The following SF1 variants were observed in gnomAD, a reference collection of about 807,000 sequenced individuals.
SF1 encodes the protein splicing factor 1.
A neutral mutation model predicts 62.5 loss-of-function variants in SF1; 7 were observed. The ratio of observed to expected loss-of-function variants is 0.11; its 90% CI spans 0.06 to 0.21. The LOEUF is 0.21. Among genes scored for constraint, SF1 ranks in the 10% least tolerant of loss-of-function variants. The pLI, the probability that SF1 is intolerant of heterozygous loss-of-function variation, is 1.00. For synonymous variants in SF1, 394 were observed against 323.6 expected (o/e 1.22, Z -2.33); for missense variants, 578 against 884.0 (o/e 0.65, Z 4.39).
At position 64,765,427 on chromosome 11, in the gene SF1, G is replaced by A. The variant is rs1252807884; in HGVS notation, c.*391C>T. 3.2e-6 allele frequency: 5 copies of A among 1,551,736 alleles called. No individual in the cohort carries two copies. Among genetic ancestry groups the A allele is most frequent in the African/African-American group, 1.4e-5 (1 of 73,588 alleles). On this transcript the variant is annotated 3_prime_UTR_variant, in exon 13 of 13. Transcript: ENST00000377390. ...CCGAACCATCCTGTCCACCAGGGGC[G>A]TTGCTGAGGCTGTCTGCCTGGAAGG...
At chr11:64,772,878 C>A in intron 3 of SF1, 2 of 986,194 alleles carry the variant, frequency 2.0e-6, no homozygotes, top group Non-Finnish European at 2.4e-6. Context: ...CCTCCCAACA[C>A]CCCCAAGGCA....
At position 64,765,551 on chromosome 11, in the gene SF1, G is replaced by A; in HGVS notation, c.*267C>T. The A allele has an allele frequency of 6.3e-7, 1 of 1,587,470 alleles. No homozygotes were observed. On this transcript the variant is annotated 3_prime_UTR_variant, in exon 13 of 13. Transcript: ENST00000377390. Reference sequence around the variant, plus strand: ...CCCGGTTTGGGGAGAGGCAAAGGGAGTTGGGTGAGGAGAGAAAGAAGACAA... The same window carrying A: ...CCCGGTTTGGGGAGAGGCAAAGGGAATTGGGTGAGGAGAGAAAGAAGACAA...
intron 3 of SF1, chr11:64,772,402 G>A (rs1274096875): frequency 5.1e-6 from 5 of 984,482 alleles, no homozygotes; most frequent in African/African-American, 3.5e-5. Flanking sequence ...GTAAAATATA[G>A]CAAATGTAGT....
rs1405379836 is a variant in SF1 at position 64,764,977 on chromosome 11, C to T, written c.*841G>A. On this transcript the variant is annotated 3_prime_UTR_variant, in exon 13 of 13. Transcript: ENST00000377390. The stretch of plus-strand genomic sequence containing the variant: ...CCCGAGGGAGCTCAGGCTGCCCACC[C>T]ACTGCTGGCAGGATCGCCAGGACGG... 1 of 152,518 alleles carries T rather than the reference C, an allele frequency of 6.6e-6. No homozygotes were observed. Among genetic ancestry groups the T allele is most frequent in the African/African-American group, 2.4e-5 (1 of 41,482 alleles). The allele number at this position is 152,518 out of a possible 1,614,324, so 9.4% of individuals were successfully genotyped here.
At chr11:64,774,423 C>A (rs1446771175) in intron 2 of SF1, among the ~76,000 whole-genome samples, 10 of 152,212 alleles carry the variant, frequency 6.6e-5, no homozygotes, top group Non-Finnish European at 1.3e-4. Flanking sequence ...AACTGCAGAG[C>A]CAGAGCAGCT....
Position 64,767,734 on chromosome 11 carries a change from GCCACCTCCGGGCCCACCAGGA to G in SF1, c.1158_1178del (p.Gly388_Pro394del). On this transcript the variant is annotated inframe_deletion, in exon 10 of 13. Transcript: ENST00000377390. ...GTAATGGGTGTGGGAAGCTGTGGGG[GCCACCTCCGGGCCCACCAGGA>G]CCACCTCCATGCATGCCGTGGTAGG... 2 of 1,612,900 alleles carry G rather than the reference GCCACCTCCGGGCCCACCAGGA, an allele frequency of 1.2e-6. No homozygotes were observed. Among genetic ancestry groups the G allele is most frequent in the Non-Finnish European group, 1.7e-6 (2 of 1,179,508 alleles).
Position 64,768,408 on chromosome 11 carries a change from T to A in SF1, c.888-122A>T, listed in dbSNP as rs937582836. 1.3e-5 allele frequency: 11 copies of A among 875,398 alleles called. No individual in the cohort carries two copies. The African/African-American group carries it at 1.7e-4, about 14-fold the overall frequency. 54.2% of individuals were successfully genotyped at this position (875,398 alleles called of 1,614,324 possible). On this transcript the variant is annotated intron_variant, in intron 8 of 12. Coordinates refer to ENST00000377390, the MANE Select transcript of SF1 (RefSeq NM_004630.4). ...AATTCAATCACCAGATCATCACACATCTTTCTAACCCCTTACTGGGCATGG... is the reference window on the plus strand; with the variant it reads ...AATTCAATCACCAGATCATCACACAACTTTCTAACCCCTTACTGGGCATGG...
chr11:64,774,666 A>C (rs1004878858), intron 2 of SF1, among the ~76,000 whole-genome samples: 2 of 152,154 alleles, frequency 1.3e-5, no homozygotes, highest in Admixed American at 6.5e-5. Context: ...ATTATTATCG[A>C]AAGAAAATAC....
intron 1 of SF1, chr11:64,777,776 T>TACCCCCC: frequency 1.0e-6 from 1 of 960,812 alleles, no homozygotes; most frequent in Non-Finnish European, 1.2e-6. Context: ...ACAGAGCGCC[T>TACCCCCC]CCCGCCCGCC....
rs954814907 is a variant in SF1 at position 64,767,031 on chromosome 11, G to A, written c.1451C>T (p.Pro484Leu). 4 of 1,522,180 alleles carry A rather than the reference G, an allele frequency of 2.6e-6. No homozygotes were observed. The highest frequency in any genetic ancestry group is 2.7e-6 in the Non-Finnish European group (3 of 1,129,776). The allele number at this position is 1,522,180 out of a possible 1,614,324, so 94.3% of individuals were successfully genotyped here. The change falls in exon 12 of 13, where the codon CCT (proline) becomes CTT (leucine). Residue 484 changes from proline (P) to leucine (L), a missense_variant. Around this residue, in one of 7 missense-constraint regions of SF1, gnomAD observed 410 missense variants for 452.4 expected, o/e 0.91. Coordinates refer to ENST00000377390, the MANE Select transcript of SF1 (RefSeq NM_004630.4). ...AGGGGGTGGGGGCTGCCCACTGGGA[G>A]GCGGCGGCGGCGGCGGCATCATGCC... ...PMGMMPPPPP[P>L]PSGQPPPPPS...
intron 4 of SF1, 36 bp downstream of exon 4, chr11:64,770,220 T>C (rs777738662): frequency 1.2e-6 from 2 of 1,605,624 alleles, no homozygotes; most frequent in Non-Finnish European, 1.7e-6. Flanking sequence ...GATCTGCATG[T>C]GTCTTCATCC....
intron 3 of SF1, chr11:64,772,742 A>G: frequency 1.0e-6 from 1 of 985,378 alleles, no homozygotes; most frequent in Non-Finnish European, 1.2e-6. Flanking sequence ...TTCTGAGGTG[A>G]GAGAAACTGC....
At chr11:64,768,539 G>A (rs758711288) in intron 8 of SF1, among the ~76,000 whole-genome samples, 14 of 152,226 alleles carry the variant, frequency 9.2e-5, no homozygotes, top group African/African-American at 2.4e-4. Flanking sequence ...CCTGAGCACC[G>A]ATGAAGCACA....
At chr11:64,771,319 A>G (rs1261059089) in intron 3 of SF1, 1 of 378,646 alleles carries the variant, frequency 2.6e-6, no homozygotes. Flanking sequence ...GAGAGGTTAC[A>G]CTCCTAGAAT....
intron 3 of SF1, chr11:64,772,376 C>G: frequency 1.0e-6 from 1 of 983,122 alleles, no homozygotes; most frequent in Non-Finnish European, 1.2e-6. Context: ...ACCCTACAAC[C>G]AAAATCTATC....
At position 64,778,524 on chromosome 11, in the gene SF1, G is replaced by C; in HGVS notation, c.-132C>G. On this transcript the variant is annotated 5_prime_UTR_variant, in exon 1 of 13. Coordinates refer to ENST00000377390, the MANE Select transcript of SF1 (RefSeq NM_004630.4). ...AGCCCGTCCTCTCACGCGGCGGGCGGCGGCGGCGCGAGACGCACAAAGAGG... is the reference window on the plus strand; with the variant it reads ...AGCCCGTCCTCTCACGCGGCGGGCGCCGGCGGCGCGAGACGCACAAAGAGG... 8.3e-7 allele frequency: 1 copy of C among 1,203,622 alleles called. No individual in the cohort carries two copies. Among genetic ancestry groups the C allele is most frequent in the South Asian group, 4.1e-5 (1 of 24,156 alleles). 74.6% of individuals were successfully genotyped at this position (1,203,622 alleles called of 1,614,324 possible).
At chr11:64,772,535 G>A (rs1179661200) in intron 3 of SF1, 4 of 985,028 alleles carry the variant, frequency 4.1e-6, no homozygotes, top group Admixed American at 6.1e-5. Flanking sequence ...GATTTAATAA[G>A]CTATTAACTG....
chr11:64,767,278 TAGC>T, intron 10 of SF1, 27 bp from the exon 11 acceptor site: 6 of 1,611,058 alleles, frequency 3.7e-6, no homozygotes, highest in Non-Finnish European at 4.2e-6. Context: ...AGCAGGGACT[TAGC>T]AGGACATTGG....
At chr11:64,777,780 G>GGCCCCCCCCCCC in intron 1 of SF1, 3 of 445,404 alleles carry the variant, frequency 6.7e-6, no homozygotes, top group Non-Finnish European at 8.5e-6. Context: ...AGCGCCTCCC[G>GGCCCCCCCCCCC]CCCGCCCAGC....
Sources: gnomAD v4.1 joint callset for allele counts (sites outside exome capture counted in the v4.1 genomes callset) on GRCh38, gnomAD v4.1.1 for gene constraint, gnomAD v4.1.1 regional missense constraint, MANE v1.5 for transcripts, NCBI Gene and HGNC (gene_info 2026-07-23, HGNC 2026-07-21) for gene names.